CACTIN: variants seen among roughly 807,000 people sequenced by gnomAD.
CACTIN encodes the protein splicing factor Cactin.
CACTIN carries 20 observed loss-of-function variants against 84.9 expected under a neutral mutation model. The ratio of observed to expected loss-of-function variants is 0.24; its 90% CI spans 0.17 to 0.34. The LOEUF is 0.34. Among genes scored for constraint, CACTIN ranks in the 10% least tolerant of loss-of-function variants. CACTIN has a pLI of 1.00. For synonymous variants in CACTIN, 549 were observed against 467.9 expected, an observed-to-expected ratio of 1.17 and a Z score of -2.24; for missense variants, 897 against 1,117.2, an observed-to-expected ratio of 0.80 and a Z score of 2.81.
chr19:3,624,239 G>C (rs2033289063), intron 1 of CACTIN, 77 bp from the exon 2 acceptor site: 5 of 1,307,270 alleles, frequency 3.8e-6, no homozygotes, highest in East Asian at 4.7e-5. Flanking sequence ...GGGTGCCCGT[G>C]GGGGAGCAGG....
chr19:3,617,227 C>T (rs2033122601), intron 6 of CACTIN, among the ~76,000 whole-genome samples: 1 of 152,230 alleles, frequency 6.6e-6, no homozygotes, highest in African/African-American at 2.4e-5. Context: ...TACAGTGAGC[C>T]TTGATCGCGC....
At chr19:3,622,411 A>C (rs1195532497) in intron 2 of CACTIN, among the ~76,000 whole-genome samples, 1 of 151,756 alleles carries the variant, frequency 6.6e-6, no homozygotes, top group African/African-American at 2.4e-5. Flanking sequence ...GACGTAGGTA[A>C]GATGAGGTCA....
At chr19:3,626,485 C>T (rs1384151156) in intron 1 of CACTIN, 111 bp downstream of exon 1, 2 of 1,131,990 alleles carry the variant, frequency 1.8e-6, no homozygotes, top group East Asian at 3.2e-5. Flanking sequence ...CTCTAGGAAG[C>T]CCTCCCCGAG....
Position 3,613,558 on chromosome 19 carries a change from G to A in CACTIN, c.1384C>T (p.Arg462Trp). ...TGCTTCAGTTTGTACAGCTTCTGCC[G>A]CAGCACGTCCTGGTGGCGCTCACGC... is the stretch of plus-strand genomic sequence containing the variant. ...RLRERHQDVL[R>W]QKLYKLKQEQ... The change falls in exon 8 of 10, where the codon CGG (arginine) becomes TGG (tryptophan). Residue 462 changes from arginine (R) to tryptophan (W), a missense_variant. Arg to Trp is a moderately radical substitution (Grantham distance 101). Around this residue, in one of 8 missense-constraint regions of CACTIN, gnomAD observed 304 missense variants for 444.3 expected, o/e 0.68. Transcript: ENST00000429344. 6.2e-7 allele frequency: 1 copy of A among 1,601,960 alleles called. No homozygotes were observed. Among genetic ancestry groups the A allele is most frequent in the Non-Finnish European group, 8.5e-7 (1 of 1,178,404 alleles).
chr19:3,617,860 C>T (rs1423786446), intron 6 of CACTIN, among the ~76,000 whole-genome samples: 1 of 152,200 alleles, frequency 6.6e-6, no homozygotes, highest in Admixed American at 6.5e-5. Flanking sequence ...CGGAGGAGAC[C>T]ACTGGAGGGA....
intron 6 of CACTIN, among the ~76,000 whole-genome samples, chr19:3,617,171 A>G (rs1482866545): frequency 6.7e-6 from 1 of 149,772 alleles, no homozygotes; most frequent in Non-Finnish European, 1.5e-5. Flanking sequence ...CCCAGCTTCT[A>G]GGGAGGCTGA....
rs2033059258 is a variant in CACTIN, at chr19:3,614,461, T to G, written c.1291A>C (p.Asn431His). 6.3e-7 allele frequency: 1 copy of G among 1,598,516 alleles called. No homozygotes were observed. Among genetic ancestry groups the G allele is most frequent in the Non-Finnish European group, 8.5e-7 (1 of 1,172,754 alleles). ...IEGKIRAGGP[N>H]LDMGYWESLL... The stretch of plus-strand genomic sequence containing the variant: ...CTCTCCCAGTAGCCCATGTCCAGGT[T>G]GGGGCCACCAGCGCGGATTTTGCCC... The change falls in exon 7 of 10, where the codon AAC becomes CAC. Residue 431 changes from asparagine to histidine, a missense_variant. Transcript: ENST00000429344.
At position 3,611,188 on chromosome 19, in the gene CACTIN, C is replaced by T. The variant is rs758016; in HGVS notation, c.*735G>A. The T allele has an allele frequency of 0.51, 209,614 of 407,792 alleles. 55,696 individuals carry two copies. The highest frequency in any genetic ancestry group is 0.61 in the Admixed American group (20,998 of 34,306). The allele number at this position is 407,792 out of a possible 1,614,324, so 25.3% of individuals were successfully genotyped here. A position where few individuals can be genotyped will look rare whatever the true frequency, so the allele number is the denominator to read the frequency against. On this transcript the variant is annotated 3_prime_UTR_variant, in exon 10 of 10. Transcript: ENST00000429344. Reference sequence around the variant, plus strand: ...ACGGCTCAGTGACTTTTGGTTCCCACGACCTTGACAGAGACAGGGACCTCG... The same window carrying T: ...ACGGCTCAGTGACTTTTGGTTCCCATGACCTTGACAGAGACAGGGACCTCG...
At chr19:3,618,074 G>A (rs926767662) in intron 6 of CACTIN, among the ~76,000 whole-genome samples, 9 of 152,054 alleles carry the variant, frequency 5.9e-5, no homozygotes, top group Non-Finnish European at 1.2e-4. Context: ...CGGGTCTATC[G>A]ACAGGGATGC....
intron 7 of CACTIN, 138 bp from the exon 8 acceptor site, chr19:3,613,724 GC>G: frequency 7.7e-7 from 1 of 1,292,902 alleles, no homozygotes; most frequent in Non-Finnish European, 1.0e-6. Context: ...TGGGACCTTT[GC>G]CCAGGCTTGG....
At chr19:3,614,326 A>G in intron 7 of CACTIN, 71 bp downstream of exon 7, 1 of 1,435,912 alleles carries the variant, frequency 7.0e-7, no homozygotes, top group South Asian at 1.2e-5. Context: ...CACCCCACCC[A>G]GGACTCAGGA....
At chr19:3,612,849 A>G (rs755476910) in intron 9 of CACTIN, 1 of 740,842 alleles carries the variant, frequency 1.3e-6, no homozygotes, top group South Asian at 1.5e-5. Context: ...CTGTGGCCCC[A>G]AGGCCAGTGG....
chr19:3,617,369 A>G (rs1041054601), intron 6 of CACTIN, among the ~76,000 whole-genome samples: 4 of 152,268 alleles, frequency 2.6e-5, no homozygotes, highest in Admixed American at 2.6e-4. Flanking sequence ...AGCAAAGTCA[A>G]GACCCCTCGG....
Position 3,624,165 on chromosome 19 carries a change from G to A in CACTIN, c.168-3C>T, listed in dbSNP as rs1387874053. 1 of 1,550,056 alleles carries A rather than the reference G, an allele frequency of 6.5e-7. No individual in the cohort carries two copies. Among genetic ancestry groups the A allele is most frequent in the Non-Finnish European group, 8.7e-7 (1 of 1,150,496 alleles). ...ACCGCTCTTCCTCTGAATCTGACCT[G>A]CGGAGAGGACCATGGATGCCTGCTC... is the stretch of plus-strand genomic sequence containing the variant. On this transcript the variant is annotated splice_polypyrimidine_tract_variant and splice_region_variant and intron_variant, in intron 1 of 9. Coordinates refer to ENST00000429344, the MANE Select transcript of CACTIN (RefSeq NM_001080543.2).
Position 3,612,498 on chromosome 19 carries a change from C to T in CACTIN, c.1787-85G>A, listed in dbSNP as rs1288691261. 7.5e-6 allele frequency: 11 copies of T among 1,463,062 alleles called. No homozygotes were observed. The South Asian group carries it at 1.4e-4, about 19-fold the overall frequency. The allele number at this position is 1,463,062 out of a possible 1,614,324, so 90.6% of individuals were successfully genotyped here. A position where few individuals can be genotyped will look rare whatever the true frequency, so the allele number is the denominator to read the frequency against. ...CTAGCCTCTCTGGCAGGGGCGGCCGCTGGTGCCTCCCGCAAAAGGAAAACA... is the reference window on the plus strand; with the variant it reads ...CTAGCCTCTCTGGCAGGGGCGGCCGTTGGTGCCTCCCGCAAAAGGAAAACA... On this transcript the variant is annotated intron_variant, in intron 9 of 9. Coordinates refer to ENST00000429344, the MANE Select transcript of CACTIN (RefSeq NM_001080543.2).
chr19:3,612,951 A>G (rs1462220209), intron 9 of CACTIN, 107 bp downstream of exon 9: 4 of 1,315,090 alleles, frequency 3.0e-6, no homozygotes, highest in African/African-American at 1.5e-5. Flanking sequence ...AGCAGCAAGC[A>G]GCTCCCCACT....
At position 3,623,845 on chromosome 19, in the gene CACTIN, G is replaced by A. The variant is rs1346471359; in HGVS notation, c.485C>T (p.Thr162Met). 18 of 1,611,686 alleles carry A rather than the reference G, an allele frequency of 1.1e-5. No individual in the cohort carries two copies. The highest frequency in any genetic ancestry group is 4.0e-5 in the African/African-American group (3 of 74,956). Residue 162 changes from threonine (T) to methionine (M), a missense_variant, in exon 2 of 10, where the codon ACG (threonine) becomes ATG (methionine). Transcript: ENST00000429344. ...QQEELMKAFE[T>M]PEEKRARRLA... is the part of the protein sequence containing the mutation. ...CCGCCGTGCGCGCTTCTCCTCGGGC[G>A]TCTCGAAGGCCTTCATCAGCTCCTC...
chr19:3,613,738 A>T, intron 7 of CACTIN, 152 bp from the exon 8 acceptor site: 7 of 1,123,130 alleles, frequency 6.2e-6, no homozygotes, highest in Non-Finnish European at 8.7e-6. Context: ...AGGCTTGGTC[A>T]GTTCAGGGTC....
At chr19:3,617,596 G>T (rs1459575334) in intron 6 of CACTIN, among the ~76,000 whole-genome samples, 2 of 151,598 alleles carry the variant, frequency 1.3e-5, no homozygotes, top group African/African-American at 4.9e-5. Context: ...GAGAGGCCGG[G>T]CCCAGGGCAA....
Sources: allele counts gnomAD v4.1 joint callset (sites outside exome capture counted in the v4.1 genomes callset), GRCh38; gene constraint gnomAD v4.1.1; regional missense constraint gnomAD v4.1.1; transcripts MANE v1.5; gene names NCBI Gene and HGNC (gene_info 2026-07-23, HGNC 2026-07-21).